The following DYNC1I1 variants were observed in gnomAD, a reference collection of about 807,000 sequenced individuals.
DYNC1I1 encodes the protein cytoplasmic dynein 1 intermediate chain 1.
Under a neutral mutation model 86.6 loss-of-function variants are expected in DYNC1I1, and 43 were observed. The observed-to-expected ratio is 0.50, with a 90% CI of 0.39 to 0.64. DYNC1I1 has a LOEUF of 0.64. Among genes scored for constraint, DYNC1I1 ranks in the 30% least tolerant of loss-of-function variants. The pLI is 0.00. For synonymous variants in DYNC1I1, 262 were observed against 283.7 expected (o/e 0.92, Z 0.77); for missense variants, 604 against 788.8 (o/e 0.77, Z 2.81).
chr7:95,856,147 TAAC>T (rs1040852664), intron 5 of DYNC1I1, among the ~76,000 whole-genome samples: 8 of 152,208 alleles, frequency 5.3e-5, no homozygotes, highest in African/African-American at 1.9e-4. Context: ...TTTTTCTATT[TAAC>T]TTTTTTTTTC....
intron 5 of DYNC1I1, among the ~76,000 whole-genome samples, chr7:95,837,189 C>G (rs1445938606): frequency 8.1e-4 from 107 of 131,782 alleles, no homozygotes; most frequent in African/African-American, 1.1e-3. Flanking sequence ...TTCTAACAGA[C>G]AGGACCCTCA....
intron 14 of DYNC1I1, among the ~76,000 whole-genome samples, chr7:96,045,442 C>T (rs1410193935): frequency 3.3e-5 from 5 of 151,906 alleles, no homozygotes; most frequent in East Asian, 3.9e-4. Context: ...AAGGAAACAG[C>T]GATCACAGTA....
At chr7:95,804,060 A>C (rs1024811814) in intron 1 of DYNC1I1, among the ~76,000 whole-genome samples, 2 of 152,216 alleles carry the variant, frequency 1.3e-5, no homozygotes, top group Non-Finnish European at 2.9e-5. Flanking sequence ...CAGAATAAGC[A>C]ATATTACATT....
intron 14 of DYNC1I1, among the ~76,000 whole-genome samples, chr7:96,061,872 A>G (rs1789790480): frequency 6.6e-6 from 1 of 152,148 alleles, no homozygotes; most frequent in African/African-American, 2.4e-5. Flanking sequence ...TAAATTGCAA[A>G]TGTGGACCAT....
intron 16 of DYNC1I1, among the ~76,000 whole-genome samples, chr7:96,106,022 T>C (rs563839276): frequency 7.2e-5 from 11 of 152,176 alleles, no homozygotes; most frequent in Non-Finnish European, 1.3e-4. Flanking sequence ...TGTTGCTAAA[T>C]TATGTTTTCT....
chr7:95,783,011 T>C (rs1794035100), intron 1 of DYNC1I1, among the ~76,000 whole-genome samples: 1 of 152,084 alleles, frequency 6.6e-6, no homozygotes, highest in East Asian at 1.9e-4. Flanking sequence ...GGGTACAGGA[T>C]GGGGGCATGG....
chr7:95,881,261 A>G (rs1273747067), intron 6 of DYNC1I1, among the ~76,000 whole-genome samples: 1 of 152,142 alleles, frequency 6.6e-6, no homozygotes. Context: ...CCAATTCTCT[A>G]TGAATGTGTG....
intron 6 of DYNC1I1, among the ~76,000 whole-genome samples, chr7:95,894,217 A>G (rs975086378): frequency 2.0e-5 from 3 of 151,902 alleles, no homozygotes; most frequent in East Asian, 3.9e-4. Context: ...TAAATAACAG[A>G]AATTTGTGTC....
intron 5 of DYNC1I1, among the ~76,000 whole-genome samples, chr7:95,846,623 C>CTTTGTGTGTGTGTGTG (rs1314616292): frequency 8.3e-6 from 1 of 121,124 alleles, no homozygotes; most frequent in Non-Finnish European, 1.7e-5. Flanking sequence ...ATAAATCTCT[C>CTTTGTGTGTGTGTGTG]TCTCTGTGTG....
intron 6 of DYNC1I1, among the ~76,000 whole-genome samples, chr7:95,973,532 TG>T (rs1275371023): frequency 6.6e-6 from 1 of 151,774 alleles, no homozygotes; most frequent in Non-Finnish European, 1.5e-5. Flanking sequence ...TTGTTGTGAG[TG>T]TTTTTTTAGA....
At chr7:95,954,915 CAAAAAA>C (rs58435060) in intron 6 of DYNC1I1, among the ~76,000 whole-genome samples, 3 of 81,874 alleles carry the variant, frequency 3.7e-5, no homozygotes, top group Non-Finnish European at 4.4e-5. Flanking sequence ...GACTCTGTCT[CAAAAAA>C]AAAAAAAAAA....
intron 10 of DYNC1I1, among the ~76,000 whole-genome samples, chr7:96,021,888 C>T (rs113307303): frequency 2.8e-4 from 42 of 152,276 alleles, no homozygotes; most frequent in East Asian, 1.9e-3. Flanking sequence ...TACCACATTT[C>T]GTTTATTCAT....
chr7:96,083,970 C>A (rs1011298444), intron 16 of DYNC1I1, among the ~76,000 whole-genome samples: 18 of 152,166 alleles, frequency 1.2e-4, no homozygotes, highest in African/African-American at 4.3e-4. Flanking sequence ...CAATGTTGGT[C>A]CATTTTCCTC....
At chr7:96,067,262 G>A (rs761966131) in intron 14 of DYNC1I1, among the ~76,000 whole-genome samples, 9 of 151,804 alleles carry the variant, frequency 5.9e-5, no homozygotes, top group African/African-American at 2.4e-5. Context: ...TTTTTTTCCC[G>A]CAACCCCAAA....
intron 6 of DYNC1I1, among the ~76,000 whole-genome samples, chr7:95,937,328 T>C (rs1020306081): frequency 3.3e-5 from 5 of 152,046 alleles, no homozygotes; most frequent in African/African-American, 4.8e-5. Flanking sequence ...TCTCACCACA[T>C]GGACAAAATA....
At chr7:96,078,537 TTAAAA>T (rs528545029) in intron 15 of DYNC1I1, among the ~76,000 whole-genome samples, 29 of 152,308 alleles carry the variant, frequency 1.9e-4, no homozygotes, top group African/African-American at 7.0e-4. Context: ...TTTTAAATGT[TTAAAA>T]TATTGTTTCA....
At chr7:96,050,221 G>A (rs1412871964) in intron 14 of DYNC1I1, among the ~76,000 whole-genome samples, 3 of 152,138 alleles carry the variant, frequency 2.0e-5, no homozygotes, top group East Asian at 3.9e-4. Context: ...GGAATGTCAT[G>A]CTGGAATTAG....
At chr7:96,019,045 TG>T (rs1794474602) in intron 10 of DYNC1I1, among the ~76,000 whole-genome samples, 1 of 152,192 alleles carries the variant, frequency 6.6e-6, no homozygotes, top group Non-Finnish European at 1.5e-5. Flanking sequence ...TTGTGTTTTT[TG>T]TTTCTTCATT....
chr7:96,039,741 C>T (rs1409349869), intron 14 of DYNC1I1, among the ~76,000 whole-genome samples: 1 of 152,160 alleles, frequency 6.6e-6, no homozygotes, highest in Admixed American at 6.5e-5. Context: ...CCTCAGTCCC[C>T]TCCCCAGGGG....
Sources: allele counts gnomAD v4.1 joint callset (sites outside exome capture counted in the v4.1 genomes callset), GRCh38; gene constraint gnomAD v4.1.1; transcripts MANE v1.5; gene names NCBI Gene and HGNC (gene_info 2026-07-23, HGNC 2026-07-21).